The following MAP1B variants were observed in gnomAD, a reference collection of about 807,000 sequenced individuals.
MAP1B encodes the protein microtubule-associated protein 1B.
A neutral mutation model predicts 176.1 loss-of-function variants in MAP1B; 12 were observed. The ratio of observed to expected loss-of-function variants is 0.07; its 90% CI spans 0.04 to 0.11. MAP1B has a LOEUF of 0.11. Among genes scored for constraint, MAP1B ranks in the 10% least tolerant of loss-of-function variants. The probability of loss-of-function intolerance (pLI) is 1.00; values close to 1 mark genes in which losing one functional copy is unlikely to be tolerated. For missense variants in MAP1B, 2,523 were observed against 2,990.5 expected (o/e 0.84, Z 3.65); for synonymous variants, 1,044 against 1,135.0 (o/e 0.92, Z 1.61).
At chr5:72,113,654 A>C (rs932032365) in intron 1 of MAP1B, among the ~76,000 whole-genome samples, 1 of 152,204 alleles carries the variant, frequency 6.6e-6, no homozygotes, top group African/African-American at 2.4e-5. Flanking sequence ...AAATTGTATG[A>C]ATTTAATTTA....
rs574513748 is a variant in MAP1B at position 72,143,714 on chromosome 5, C to T, written c.286+27915C>T. ...TGTATTGTCTCACATTCCAAGAGGC[C>T]GAAGGCTGGTTCCTTCTGGGGGTAC... On this transcript the variant is annotated intron_variant, in intron 2 of 6. Transcript: ENST00000296755. 1.2e-4 allele frequency among the ~76,000 whole-genome samples: 19 copies of T among 152,216 alleles called. No homozygotes were observed. In the East Asian group the frequency reaches 2.9e-3, roughly 23 times the overall value.
chr5:72,125,873 G>A (rs966463890), intron 2 of MAP1B, among the ~76,000 whole-genome samples: 13 of 147,050 alleles, frequency 8.8e-5, no homozygotes, highest in Non-Finnish European at 1.8e-4. Context: ...AGTTAGAATC[G>A]ATAATTTAAG....
At chr5:72,158,329 GC>G (rs1270954210) in intron 2 of MAP1B, among the ~76,000 whole-genome samples, 26 of 151,998 alleles carry the variant, frequency 1.7e-4, no homozygotes, top group Non-Finnish European at 2.8e-4. Flanking sequence ...TCTTATGATA[GC>G]CCTTGTAATC....
At position 72,199,132 on chromosome 5, in the gene MAP1B, T is replaced by C. The variant is rs746155365; in HGVS notation, c.5777T>C (p.Ile1926Thr). ...GACAGTGGCTACTCCTATGAGACCATTGGGAAAACTACCAAGACCCCTGAA... is the reference window on the plus strand; with the variant it reads ...GACAGTGGCTACTCCTATGAGACCACTGGGAAAACTACCAAGACCCCTGAA... ...PSDSGYSYET[I>T]GKTTKTPEDG... The change falls in exon 5 of 7, where the codon ATT becomes ACT. Residue 1926 changes from isoleucine (I) to threonine (T), a missense_variant. Ile to Thr is a moderately conservative substitution (Grantham distance 89). Around this residue, in one of 4 missense-constraint regions of MAP1B, gnomAD observed 1,925 missense variants for 2,126.0 expected, o/e 0.91. Transcript: ENST00000296755. The surrounding 1 kb of genome is among the most constrained non-coding windows in gnomAD (Gnocchi z 4.2). 5.0e-5 allele frequency: 81 copies of C among 1,613,926 alleles called. No individual in the cohort carries two copies. Among genetic ancestry groups the C allele is most frequent in the African/African-American group, 1.1e-4 (8 of 74,880 alleles).
intron 2 of MAP1B, among the ~76,000 whole-genome samples, chr5:72,166,516 G>A (rs528007493): frequency 6.6e-6 from 1 of 152,298 alleles, no homozygotes; most frequent in African/African-American, 2.4e-5. Flanking sequence ...CCCTAGAGAG[G>A]TCGAGACAGC....
chr5:72,181,293 A>G (rs1008557929), intron 2 of MAP1B, among the ~76,000 whole-genome samples: 3 of 151,918 alleles, frequency 2.0e-5, no homozygotes, highest in Non-Finnish European at 4.4e-5. Flanking sequence ...TTTCTGTAGT[A>G]CTTCTGGTCC....
intron 3 of MAP1B, 139 bp downstream of exon 3, chr5:72,183,964 C>A (rs1198884173): frequency 4.4e-6 from 3 of 683,760 alleles, no homozygotes; most frequent in Non-Finnish European, 7.5e-6. Flanking sequence ...TCTTTCTCAA[C>A]CCCCATTAAG....
At chr5:72,117,096 A>G (rs918326249) in intron 2 of MAP1B, among the ~76,000 whole-genome samples, 4 of 152,014 alleles carry the variant, frequency 2.6e-5, no homozygotes, top group Non-Finnish European at 5.9e-5. Context: ...TGGTTTATTA[A>G]AAGTTAACTT....
chr5:72,171,939 CTTTGAAATGATGCAGTGGAGT>C (rs1324316908), intron 2 of MAP1B, among the ~76,000 whole-genome samples: 3 of 152,208 alleles, frequency 2.0e-5, no homozygotes, highest in Non-Finnish European at 4.4e-5. Flanking sequence ...CCACCTCACC[CTTTGAAATGATGCAGTGGAGT>C]TTTGAAATGA....
At position 72,194,157 on chromosome 5, in the gene MAP1B, G is replaced by A. The variant is rs1423230102; in HGVS notation, c.802G>A (p.Gly268Arg). Residue 268 changes from glycine to arginine, a missense_variant, in exon 5 of 7, where the codon GGG becomes AGG. By Grantham distance (125) the Gly-to-Arg change is moderately radical (BLOSUM62 -2). Transcript: ENST00000296755. The surrounding 1 kb of genome is among the most constrained non-coding windows in gnomAD (Gnocchi z 7.2). ...SKPCCYIFPG[G>R]RGDSALFAVN... ...GCCCTGCTGTTATATTTTTCCAGGA[G>A]GGAGGGGCGATTCTGCCTTGTTTGC... The A allele has an allele frequency of 6.2e-7, 1 of 1,614,108 alleles. No individual in the cohort carries two copies. The highest frequency in any genetic ancestry group is 8.5e-7 in the Non-Finnish European group (1 of 1,180,058).
intron 2 of MAP1B, among the ~76,000 whole-genome samples, chr5:72,134,090 T>C (rs1339521576): frequency 1.3e-5 from 2 of 152,236 alleles, no homozygotes; most frequent in African/African-American, 2.4e-5. Flanking sequence ...TTTTTAACTT[T>C]AGTTTTCACA....
At chr5:72,137,739 C>T (rs967635852) in intron 2 of MAP1B, among the ~76,000 whole-genome samples, 1 of 152,162 alleles carries the variant, frequency 6.6e-6, no homozygotes, top group Non-Finnish European at 1.5e-5. Flanking sequence ...TATACTTTCT[C>T]TTATTAACAT....
chr5:72,173,867 G>A (rs1746590338), intron 2 of MAP1B, among the ~76,000 whole-genome samples: 2 of 152,204 alleles, frequency 1.3e-5, no homozygotes, highest in South Asian at 4.1e-4. Context: ...GGTGGCTCAA[G>A]CTGTAATCAC....
Position 72,186,588 on chromosome 5 carries a change from G to A in MAP1B, c.370-26G>A. On this transcript the variant is annotated intron_variant, in intron 3 of 6. Transcript: ENST00000296755. The surrounding 1 kb of genome is among the most constrained non-coding windows in gnomAD (Gnocchi z 4.3). ...GATGGCAGCACTGCCCATGGCTCAG[G>A]GCCTACGTTCTGTGCTTTATTTCAG... The A allele has an allele frequency of 5.0e-6, 8 of 1,612,192 alleles. No individual in the cohort carries two copies. Among genetic ancestry groups the A allele is most frequent in the Non-Finnish European group, 5.9e-6 (7 of 1,179,532 alleles).
intron 5 of MAP1B, among the ~76,000 whole-genome samples, chr5:72,202,053 G>A (rs2111898461): frequency 6.6e-6 from 1 of 152,260 alleles, no homozygotes. Context: ...CATTTAAAGA[G>A]GTAATTTAAA....
Position 72,196,849 on chromosome 5 carries a change from A to G in MAP1B, c.3494A>G (p.Tyr1165Cys), listed in dbSNP as rs765416337. 37 of 1,614,082 alleles carry G rather than the reference A, an allele frequency of 2.3e-5. No homozygotes were observed. Among genetic ancestry groups the G allele is most frequent in the Non-Finnish European group, 2.9e-5 (34 of 1,180,028 alleles). Reference sequence around the variant, plus strand: ...CAGGAATTCGTAAATATCACCAAATATGAATCTTCATTGTATTCTCAGGAA... The same window carrying G: ...CAGGAATTCGTAAATATCACCAAATGTGAATCTTCATTGTATTCTCAGGAA... ...PSQEFVNITK[Y>C]ESSLYSQEYS... Residue 1165 changes from tyrosine to cysteine, a missense_variant, in exon 5 of 7, where the codon TAT becomes TGT. Transcript: ENST00000296755. This position sits in a 1 kb window ranked among gnomAD's most constrained non-coding sequence, Gnocchi z 5.3.
chr5:72,126,924 G>A (rs1236666277), intron 2 of MAP1B, among the ~76,000 whole-genome samples: 1 of 152,208 alleles, frequency 6.6e-6, no homozygotes, highest in Non-Finnish European at 1.5e-5. Flanking sequence ...CACTTGCATA[G>A]AGACTATCCC....
At chr5:72,174,284 C>T (rs542448286) in intron 2 of MAP1B, among the ~76,000 whole-genome samples, 1 of 152,234 alleles carries the variant, frequency 6.6e-6, no homozygotes, top group Admixed American at 6.5e-5. Flanking sequence ...AAACATTGAC[C>T]TTTGTGATAT....
intron 2 of MAP1B, among the ~76,000 whole-genome samples, chr5:72,144,035 A>G (rs1746001250): frequency 6.6e-6 from 1 of 152,164 alleles, no homozygotes; most frequent in Admixed American, 6.5e-5. Context: ...CAGTCATTGA[A>G]TAAGATTCCC....
Sources: allele counts gnomAD v4.1 joint callset (sites outside exome capture counted in the v4.1 genomes callset), GRCh38; gene constraint gnomAD v4.1.1; regional missense constraint gnomAD v4.1.1; non-coding constraint Gnocchi (gnomAD v3.1); transcripts MANE v1.5; gene names NCBI Gene and HGNC (gene_info 2026-07-23, HGNC 2026-07-21).